The following RBMS3 variants were observed in gnomAD, a reference collection of about 807,000 sequenced individuals.
The protein encoded by RBMS3 is RNA-binding motif, single-stranded-interacting protein 3.
In RBMS3, 27 loss-of-function variants were observed where a neutral mutation model predicts 66.8. The observed-to-expected ratio is 0.40, with a 90% CI of 0.30 to 0.56. The LOEUF (loss-of-function observed/expected upper bound fraction) is 0.56, where lower values mean the gene tolerates loss of function less well. Among genes scored for constraint, RBMS3 ranks in the 20% least tolerant of loss-of-function variants. The probability of loss-of-function intolerance (pLI) is 0.40; values close to 1 mark genes in which losing one functional copy is unlikely to be tolerated. For synonymous variants in RBMS3, 188 were observed against 183.0 expected, an observed-to-expected ratio of 1.03 and a Z score of -0.22; for missense variants, 513 against 549.5, an observed-to-expected ratio of 0.93 and a Z score of 0.66.
intron 1 of RBMS3, among the ~76,000 whole-genome samples, chr3:29,326,644 C>T (rs901134785): frequency 1.3e-5 from 2 of 152,036 alleles, no homozygotes; most frequent in Admixed American, 6.6e-5. Flanking sequence ...CCTTGTATTC[C>T]CTCGTACTGA....
intron 1 of RBMS3, among the ~76,000 whole-genome samples, chr3:29,364,186 A>C (rs190587880): frequency 1.3e-3 from 192 of 152,326 alleles, no homozygotes; most frequent in African/African-American, 4.5e-3. Flanking sequence ...CAAATATATC[A>C]TTAATCGAAA....
chr3:29,487,641 C>T (rs1038411427), intron 2 of RBMS3, among the ~76,000 whole-genome samples: 17 of 152,244 alleles, frequency 1.1e-4, no homozygotes, highest in Middle Eastern at 3.4e-3. Context: ...AATACTTACT[C>T]TGTGTCGGCC....
intron 5 of RBMS3, among the ~76,000 whole-genome samples, chr3:29,752,893 A>G (rs141826223): frequency 1.6e-4 from 25 of 152,318 alleles, no homozygotes; most frequent in African/African-American, 6.0e-4. Flanking sequence ...TAAGATTACC[A>G]GCAAAAATAT....
chr3:29,714,126 G>A (rs2053290304), intron 4 of RBMS3, among the ~76,000 whole-genome samples: 2 of 140,882 alleles, frequency 1.4e-5, no homozygotes. Flanking sequence ...CCCACTATAA[G>A]CCAGGATCTC....
chr3:29,753,321 G>A (rs893433525), intron 5 of RBMS3, among the ~76,000 whole-genome samples: 22 of 152,182 alleles, frequency 1.4e-4, no homozygotes, highest in African/African-American at 4.6e-4. Context: ...CCACAAGACC[G>A]GGGTATGCAA....
At chr3:29,683,673 G>A (rs2149263415) in intron 4 of RBMS3, among the ~76,000 whole-genome samples, 1 of 152,282 alleles carries the variant, frequency 6.6e-6, no homozygotes, top group South Asian at 2.1e-4. Flanking sequence ...TGTTGCTGCT[G>A]ATAAGGCGAC....
intron 4 of RBMS3, among the ~76,000 whole-genome samples, chr3:29,710,880 T>C (rs1421307911): frequency 6.6e-6 from 1 of 152,214 alleles, no homozygotes; most frequent in Non-Finnish European, 1.5e-5. Context: ...ATTTTCAGTA[T>C]AAATAATTGC....
At chr3:29,833,778 G>A (rs1424492336) in intron 6 of RBMS3, among the ~76,000 whole-genome samples, 1 of 152,014 alleles carries the variant, frequency 6.6e-6, no homozygotes, top group African/African-American at 2.4e-5. Flanking sequence ...AGAAATAATG[G>A]CTGAAATATT....
chr3:29,507,447 T>C (rs1166800283), intron 3 of RBMS3, among the ~76,000 whole-genome samples: 1 of 152,036 alleles, frequency 6.6e-6, no homozygotes, highest in Non-Finnish European at 1.5e-5. Context: ...GAAAAATTGT[T>C]AAGACTCTGA....
At chr3:29,671,147 C>T (rs2050983358) in intron 4 of RBMS3, among the ~76,000 whole-genome samples, 1 of 152,214 alleles carries the variant, frequency 6.6e-6, no homozygotes, top group Non-Finnish European at 1.5e-5. Flanking sequence ...AGGGTCTGTA[C>T]TGGACCTCCA....
chr3:29,893,755 C>A (rs1281791597), intron 8 of RBMS3, among the ~76,000 whole-genome samples: 3 of 151,522 alleles, frequency 2.0e-5, no homozygotes, highest in Non-Finnish European at 4.4e-5. Context: ...TAAGCTTCCA[C>A]TTAGCATTTA....
At chr3:29,379,249 T>A (rs1039168615) in intron 1 of RBMS3, among the ~76,000 whole-genome samples, 1 of 152,202 alleles carries the variant, frequency 6.6e-6, no homozygotes, top group Non-Finnish European at 1.5e-5. Flanking sequence ...TATTCTAACC[T>A]CTTTCACCTA....
chr3:29,930,115 T>TC (rs1462294598), intron 10 of RBMS3, among the ~76,000 whole-genome samples: 2 of 68,090 alleles, frequency 2.9e-5, no homozygotes, highest in African/African-American at 4.1e-5. Flanking sequence ...CTTTCTTTTT[T>TC]TTTTTTTTTT....
intron 6 of RBMS3, among the ~76,000 whole-genome samples, chr3:29,794,115 G>C (rs1480591100): frequency 6.6e-6 from 1 of 152,170 alleles, no homozygotes; most frequent in Non-Finnish European, 1.5e-5. Context: ...GCAGCCTGGA[G>C]GACCTTGAGC....
At chr3:29,320,522 A>T (rs1313758628) in intron 1 of RBMS3, among the ~76,000 whole-genome samples, 1 of 152,078 alleles carries the variant, frequency 6.6e-6, no homozygotes, top group Non-Finnish European at 1.5e-5. Flanking sequence ...AAAATTTACA[A>T]ACATGACATA....
Position 29,336,771 on chromosome 3 carries a change from G to A in RBMS3, c.75+55015G>A, listed in dbSNP as rs539521529. Among the ~76,000 whole-genome samples, 11 of 152,154 alleles carry A rather than the reference G, an allele frequency of 7.2e-5. No individual in the cohort carries two copies. In the South Asian group the frequency reaches 1.5e-3, roughly 20 times the overall value. ...TTGAGCAAATTGTCAAAGGTAAATT[G>A]GTTAAACATTCCAACCCAGGCCTGA... On this transcript the variant is annotated intron_variant, in intron 1 of 14. Transcript: ENST00000383767.
chr3:30,009,586 T>G lies in RBMS3; in HGVS notation c.*5724T>G, dbSNP rs1381779098. The G allele has an allele frequency of 1.3e-5, 2 of 152,224 alleles. No individual in the cohort carries two copies. The highest frequency in any genetic ancestry group is 4.8e-5 in the African/African-American group (2 of 41,556). The allele number at this position is 152,224 out of a possible 1,614,324, so 9.4% of individuals were successfully genotyped here. Reference sequence around the variant, plus strand: ...CTTCACTCCACTAAATTTGAACCAGTAGCACGGATCAACACGACTTCTGCA... The same window carrying G: ...CTTCACTCCACTAAATTTGAACCAGGAGCACGGATCAACACGACTTCTGCA... On this transcript the variant is annotated 3_prime_UTR_variant, in exon 15 of 15. Transcript: ENST00000383767.
chr3:29,889,324 A>G (rs2059946683), intron 8 of RBMS3, among the ~76,000 whole-genome samples: 1 of 151,666 alleles, frequency 6.6e-6, no homozygotes, highest in Non-Finnish European at 1.5e-5. Flanking sequence ...ATACTTTTTA[A>G]AAATATTGTT....
chr3:29,748,859 T>TATGG (rs2055048813), intron 5 of RBMS3, among the ~76,000 whole-genome samples: 2 of 152,118 alleles, frequency 1.3e-5, no homozygotes, highest in South Asian at 4.1e-4. Context: ...CCCACTCAGG[T>TATGG]GGGCGTGTGG....
Sources: allele counts gnomAD v4.1 joint callset (sites outside exome capture counted in the v4.1 genomes callset), GRCh38; gene constraint gnomAD v4.1.1; transcripts MANE v1.5; gene names NCBI Gene and HGNC (gene_info 2026-07-23, HGNC 2026-07-21).